Variants in CEP70 observed in about 807,000 individuals in gnomAD.
CEP70 encodes the protein centrosomal protein 70, also known as centrosomal protein of 70 kDa.
CEP70 carries 70 observed loss-of-function variants against 90.9 expected under a neutral mutation model. The ratio of observed to expected loss-of-function variants is 0.77; its 90% CI spans 0.64 to 0.94. CEP70 has a LOEUF of 0.94. Among genes scored for constraint, CEP70 ranks in the 40% least tolerant of loss-of-function variants. CEP70 has a pLI of 0.00. For synonymous variants in CEP70, 220 were observed against 228.3 expected, an observed-to-expected ratio of 0.96 and a Z score of 0.33; for missense variants, 648 against 669.0, an observed-to-expected ratio of 0.97 and a Z score of 0.35.
At position 138,505,324 on chromosome 3, in the gene CEP70, T is replaced by C. The variant is rs372470302; in HGVS notation, c.1192A>G (p.Met398Val). ...AAGGATGTCAGTTGATCTGCCCACA[T>C]TTCTATTACAGGAACAAGATGCTCA... ...GFEHLVPVIE[M>V]WADQLTSLKD... The change falls in exon 13 of 18, where the codon ATG becomes GTG. Residue 398 changes from methionine to valine, a missense_variant. By Grantham distance (21) the Met-to-Val change is conservative. Coordinates refer to ENST00000264982, the MANE Select transcript of CEP70 (RefSeq NM_024491.4). 1.2e-6 allele frequency: 2 copies of C among 1,611,358 alleles called. No individual in the cohort carries two copies. The highest frequency in any genetic ancestry group is 1.7e-6 in the Non-Finnish European group (2 of 1,178,970).
At chr3:138,537,154 T>C in intron 7 of CEP70, 24 bp downstream of exon 7, 2 of 1,469,252 alleles carry the variant, frequency 1.4e-6, no homozygotes, top group Non-Finnish European at 1.8e-6. Context: ...TCTAGCTACA[T>C]ATCAATTTAT....
rs1473057687 is a variant in CEP70, at chr3:138,570,324, A to G, written c.459T>C (p.Thr153=). 2.5e-6 allele frequency: 4 copies of G among 1,572,484 alleles called. No homozygotes were observed. The East Asian group carries it at 9.4e-5, about 37-fold the overall frequency. ...KIKDLQKEQK[T]LQVKCQHYKK... ...AGAATTCATAACTCAGTACCTGTAA[A>G]GTTTTCTGCTCCTTTTGAAGATCTT... Residue 153 remains threonine (T), a synonymous_variant, in exon 6 of 18, where the codon ACT becomes ACC. Coordinates refer to ENST00000264982, the MANE Select transcript of CEP70 (RefSeq NM_024491.4).
intron 8 of CEP70, chr3:138,530,677 A>G (rs2037734976): frequency 1.0e-6 from 1 of 985,242 alleles, no homozygotes; most frequent in African/African-American, 1.7e-5. Flanking sequence ...TGTTTATCCT[A>G]CTTAGGCCTC....
chr3:138,531,279 T>C (rs1236927520), intron 8 of CEP70, among the ~76,000 whole-genome samples: 1 of 152,152 alleles, frequency 6.6e-6, no homozygotes, highest in Non-Finnish European at 1.5e-5. Flanking sequence ...TGCAGAACTC[T>C]ACAAGTACCT....
chr3:138,511,814 T>A (rs892887271), intron 11 of CEP70, among the ~76,000 whole-genome samples: 11 of 152,312 alleles, frequency 7.2e-5, no homozygotes, highest in African/African-American at 2.6e-4. Flanking sequence ...TATAAGACAA[T>A]GATTAGTAAA....
chr3:138,559,972 A>C (rs2108035327), intron 6 of CEP70, among the ~76,000 whole-genome samples: 1 of 152,288 alleles, frequency 6.6e-6, no homozygotes, highest in East Asian at 1.9e-4. Context: ...GACATAAAGA[A>C]ACTAGAATTC....
intron 6 of CEP70, among the ~76,000 whole-genome samples, chr3:138,562,381 A>G (rs1454937363): frequency 6.6e-6 from 1 of 152,158 alleles, no homozygotes; most frequent in Non-Finnish European, 1.5e-5. Flanking sequence ...ACTCCTTGAG[A>G]AGAGCAACCC....
chr3:138,499,883 A>G (rs2034327912), intron 16 of CEP70: 1 of 442,272 alleles, frequency 2.3e-6, no homozygotes, highest in African/African-American at 2.0e-5. Flanking sequence ...GGGAAGGTAA[A>G]TAAGTTTTGA....
intron 10 of CEP70, among the ~76,000 whole-genome samples, chr3:138,527,774 G>A (rs941248137): frequency 3.3e-5 from 5 of 151,254 alleles, no homozygotes; most frequent in African/African-American, 7.3e-5. Context: ...GGCTGGTCTC[G>A]AACTCCTGGC....
intron 11 of CEP70, among the ~76,000 whole-genome samples, chr3:138,510,065 C>T (rs1007378223): frequency 5.3e-5 from 8 of 152,154 alleles, no homozygotes; most frequent in Non-Finnish European, 8.8e-5. Flanking sequence ...ACAGTGAGAA[C>T]GAATATTCTA....
At chr3:138,557,237 T>C (rs983317893) in intron 6 of CEP70, among the ~76,000 whole-genome samples, 1 of 152,218 alleles carries the variant, frequency 6.6e-6, no homozygotes, top group Non-Finnish European at 1.5e-5. Flanking sequence ...TTCTCTCTCT[T>C]ATTCCCTGAA....
chr3:138,531,588 G>A (rs1483592110), intron 8 of CEP70: 1 of 152,096 alleles, frequency 6.6e-6, no homozygotes, highest in Non-Finnish European at 1.5e-5. Flanking sequence ...TTGGAAGTCA[G>A]AAGGTCCCTG....
intron 2 of CEP70, among the ~76,000 whole-genome samples, chr3:138,582,817 T>G (rs547316875): frequency 2.0e-5 from 3 of 152,070 alleles, no homozygotes; most frequent in African/African-American, 7.2e-5. Flanking sequence ...GATAGTATTT[T>G]CAAGCCTCAT....
rs184932433 is a variant in CEP70 at position 138,496,289 on chromosome 3, G to A, written c.1733-1213C>T. 2.1e-4 allele frequency: 202 copies of A among 985,358 alleles called. 1 individual carries two copies. The African/African-American group carries it at 3.3e-3, about 16-fold the overall frequency. The allele number at this position is 985,358 out of a possible 1,614,324, so 61.0% of individuals were successfully genotyped here. On this transcript the variant is annotated intron_variant, in intron 17 of 17. Coordinates refer to ENST00000264982, the MANE Select transcript of CEP70 (RefSeq NM_024491.4). ...GCTCTTCACTTAGCCTACACACATAGCCCATGCTCTCCTACTATTCATTTA... is the reference window on the plus strand; with the variant it reads ...GCTCTTCACTTAGCCTACACACATAACCCATGCTCTCCTACTATTCATTTA...
chr3:138,554,411 T>G (rs1385898054), intron 6 of CEP70, among the ~76,000 whole-genome samples: 1 of 151,980 alleles, frequency 6.6e-6, no homozygotes, highest in Non-Finnish European at 1.5e-5. Context: ...TAGAACAAGA[T>G]GAGGATGCCT....
Position 138,571,117 on chromosome 3 carries a change from T to A in CEP70, c.201A>T (p.Arg67Ser). ...IFDKQSSQRM[R>S]QNLKLLVEET... Reference sequence around the variant, plus strand: ...CTTCCACCAACAATTTCAAATTCTGTCTCATCCTTTGTGATGACTGTTTGT... The same window carrying A: ...CTTCCACCAACAATTTCAAATTCTGACTCATCCTTTGTGATGACTGTTTGT... The change falls in exon 5 of 18, where the codon AGA (arginine) becomes AGT (serine). Residue 67 changes from arginine (R) to serine (S), a missense_variant. Arg to Ser is a moderately radical substitution (Grantham distance 110). Coordinates refer to ENST00000264982, the MANE Select transcript of CEP70 (RefSeq NM_024491.4). 6.2e-7 allele frequency: 1 copy of A among 1,603,546 alleles called. No homozygotes were observed. Among genetic ancestry groups the A allele is most frequent in the Non-Finnish European group, 8.5e-7 (1 of 1,171,590 alleles).
chr3:138,571,244 A>C, intron 4 of CEP70, 22 bp downstream of exon 4: 2 of 1,582,208 alleles, frequency 1.3e-6, no homozygotes, highest in South Asian at 1.2e-5. Flanking sequence ...TACCTTAAGC[A>C]TCAAGAATAG....
At chr3:138,509,569 G>A (rs1488770985) in intron 11 of CEP70, among the ~76,000 whole-genome samples, 2 of 152,150 alleles carry the variant, frequency 1.3e-5, no homozygotes, top group East Asian at 3.8e-4. Context: ...TCATGGCTTT[G>A]AAAACAGTAC....
At chr3:138,511,530 T>C (rs1178470249) in intron 11 of CEP70, among the ~76,000 whole-genome samples, 1 of 152,256 alleles carries the variant, frequency 6.6e-6, no homozygotes, top group Admixed American at 6.5e-5. Context: ...GCAAATCTGA[T>C]TAATAAATGT....
Sources: gnomAD v4.1 joint callset for allele counts (sites outside exome capture counted in the v4.1 genomes callset) on GRCh38, gnomAD v4.1.1 for gene constraint, MANE v1.5 for transcripts, NCBI Gene and HGNC (gene_info 2026-07-23, HGNC 2026-07-21) for gene names.